ATP6V0A4: variants seen among roughly 807,000 people sequenced by gnomAD.
The protein encoded by ATP6V0A4 is V-type proton ATPase 116 kDa subunit a 4.
Under a neutral mutation model 107.3 loss-of-function variants are expected in ATP6V0A4, and 86 were observed. That is an observed-to-expected ratio of 0.80 (90% CI 0.67 to 0.96). ATP6V0A4 has a LOEUF of 0.96. Ranked by LOEUF, ATP6V0A4 falls within the 40% of genes least tolerant of loss-of-function variation. The pLI is 0.00. For missense variants in ATP6V0A4, 908 were observed against 1,045.6 expected (o/e 0.87, Z 1.81); for synonymous variants, 353 against 381.4 (o/e 0.93, Z 0.87).
intron 2 of ATP6V0A4, among the ~76,000 whole-genome samples, chr7:138,781,613 AGC>A (rs1193977141): frequency 1.3e-5 from 2 of 152,100 alleles, no homozygotes; most frequent in African/African-American, 4.8e-5. Flanking sequence ...TACAGGTGTG[AGC>A]CACCGCGCCC....
At chr7:138,734,069 G>T in intron 16 of ATP6V0A4, 67 bp downstream of exon 16, 1 of 1,514,206 alleles carries the variant, frequency 6.6e-7, no homozygotes, top group Non-Finnish European at 9.1e-7. Context: ...CCAAACCAGT[G>T]GCTCTGTCAC....
intron 2 of ATP6V0A4, among the ~76,000 whole-genome samples, chr7:138,783,077 A>G (rs933242153): frequency 2.0e-5 from 3 of 152,194 alleles, no homozygotes; most frequent in African/African-American, 7.2e-5. Context: ...TCCATTCCAA[A>G]AAAAAGATGG....
chr7:138,739,255 A>C (rs1484835176), intron 15 of ATP6V0A4, among the ~76,000 whole-genome samples: 2 of 152,214 alleles, frequency 1.3e-5, no homozygotes, highest in Non-Finnish European at 2.9e-5. Flanking sequence ...TCCCCAGGCA[A>C]CCAAGTGCCT....
chr7:138,753,679 A>C (rs768902104), intron 10 of ATP6V0A4, among the ~76,000 whole-genome samples: 30 of 152,190 alleles, frequency 2.0e-4, no homozygotes, highest in Non-Finnish European at 3.5e-4. Context: ...CCTCTGTAAG[A>C]GACACACTGT....
At position 138,721,877 on chromosome 7, in the gene ATP6V0A4, G is replaced by A; in HGVS notation, c.2139+20C>T. The A allele has an allele frequency of 1.9e-6, 3 of 1,613,832 alleles. No homozygotes were observed. The highest frequency in any genetic ancestry group is 1.1e-5 in the South Asian group (1 of 91,068). On this transcript the variant is annotated intron_variant, in intron 19 of 21. Coordinates refer to ENST00000310018, the MANE Select transcript of ATP6V0A4 (RefSeq NM_020632.3). ...TGTACAAACTGGGGAGTCTTCCTCA[G>A]GGGCTCTCGTCCCAGATACCTCTTC... is the stretch of plus-strand genomic sequence containing the variant.
chr7:138,738,989 G>A (rs3807148), intron 15 of ATP6V0A4, among the ~76,000 whole-genome samples: 2 of 151,996 alleles, frequency 1.3e-5, no homozygotes, highest in African/African-American at 2.4e-5. Context: ...CCTCAAAACC[G>A]CTTTATATCT....
At position 138,721,753 on chromosome 7, in the gene ATP6V0A4, G is replaced by A. The variant is rs894428680; in HGVS notation, c.2139+144C>T. 29 of 886,844 alleles carry A rather than the reference G, an allele frequency of 3.3e-5. No homozygotes were observed. In the African/African-American group the frequency reaches 4.3e-4, roughly 13 times the overall value. 54.9% of individuals were successfully genotyped at this position (886,844 alleles called of 1,614,324 possible). ...CTAGCTAGTAGGTCCCCTTCCCTGA[G>A]ACCTTCACAGCTTCCCAGGACTCAG... On this transcript the variant is annotated intron_variant, in intron 19 of 21. Transcript: ENST00000310018.
At chr7:138,774,388 G>A (rs1807543683) in intron 2 of ATP6V0A4, among the ~76,000 whole-genome samples, 1 of 151,930 alleles carries the variant, frequency 6.6e-6, no homozygotes, top group Admixed American at 6.6e-5. Flanking sequence ...AGACTAGCCT[G>A]GCCAACATGG....
chr7:138,747,355 T>C, intron 13 of ATP6V0A4, 70 bp downstream of exon 13: 2 of 1,545,446 alleles, frequency 1.3e-6, no homozygotes, highest in East Asian at 2.2e-5. Context: ...GTTATTTCTA[T>C]GGTGAAAACC....
intron 2 of ATP6V0A4, among the ~76,000 whole-genome samples, chr7:138,778,312 G>A (rs1171657503): frequency 1.3e-5 from 2 of 151,906 alleles, no homozygotes; most frequent in Non-Finnish European, 2.9e-5. Context: ...AGTGAGCCAA[G>A]ATCGCGCCAC....
chr7:138,734,478 A>C (rs1182987498), intron 15 of ATP6V0A4, among the ~76,000 whole-genome samples: 1 of 152,168 alleles, frequency 6.6e-6, no homozygotes, highest in Admixed American at 6.6e-5. Flanking sequence ...CATTAGTGCT[A>C]TTATCAAATT....
At chr7:138,754,096 A>G (rs913077683) in intron 10 of ATP6V0A4, among the ~76,000 whole-genome samples, 4 of 152,202 alleles carry the variant, frequency 2.6e-5, no homozygotes, top group Admixed American at 6.5e-5. Context: ...AAGGACTTCA[A>G]TGGCTTTGGG....
At chr7:138,741,970 T>G (rs899836716) in intron 14 of ATP6V0A4, among the ~76,000 whole-genome samples, 60 of 152,142 alleles carry the variant, frequency 3.9e-4, no homozygotes, top group African/African-American at 1.4e-3. Flanking sequence ...GAGTCTTGAA[T>G]TGGGGAAGAA....
At chr7:138,729,191 T>C (rs962721330) in intron 17 of ATP6V0A4, among the ~76,000 whole-genome samples, 1 of 152,170 alleles carries the variant, frequency 6.6e-6, no homozygotes, top group African/African-American at 2.4e-5. Context: ...TGTCTTGAAC[T>C]CTGTCCCATG....
At chr7:138,740,858 A>G (rs1321004228) in intron 14 of ATP6V0A4, among the ~76,000 whole-genome samples, 2 of 151,288 alleles carry the variant, frequency 1.3e-5, no homozygotes, top group East Asian at 4.0e-4. Flanking sequence ...ATGATGAGGA[A>G]CAGGCCTGGT....
chr7:138,759,947 G>A (rs1806717143), intron 7 of ATP6V0A4, 69 bp from the exon 8 acceptor site: 4 of 1,610,158 alleles, frequency 2.5e-6, no homozygotes, highest in Non-Finnish European at 3.4e-6. Flanking sequence ...GGCCCTGTAG[G>A]ACGTGAAGAC....
At chr7:138,731,901 AAAATAAATAAAT>A (rs59314409) in intron 17 of ATP6V0A4, among the ~76,000 whole-genome samples, 16,791 of 146,630 alleles carry the variant, frequency 0.11, 1,606 homozygotes, top group African/African-American at 0.25. Flanking sequence ...TCCAAAAATA[AAAATAAATAAAT>A]AAATAAATAA....
At chr7:138,728,115 T>G (rs1804808847) in intron 18 of ATP6V0A4, among the ~76,000 whole-genome samples, 1 of 151,802 alleles carries the variant, frequency 6.6e-6, no homozygotes, top group Admixed American at 6.6e-5. Flanking sequence ...TAATAAAATA[T>G]TATTTATAAC....
intron 10 of ATP6V0A4, among the ~76,000 whole-genome samples, chr7:138,753,314 C>T (rs1028797602): frequency 1.3e-5 from 2 of 152,152 alleles, no homozygotes; most frequent in Non-Finnish European, 2.9e-5. Context: ...CCAAGGAATG[C>T]GGAGGACGGC....
Sources: allele counts gnomAD v4.1 joint callset (sites outside exome capture counted in the v4.1 genomes callset), GRCh38; gene constraint gnomAD v4.1.1; transcripts MANE v1.5; gene names NCBI Gene and HGNC (gene_info 2026-07-23, HGNC 2026-07-21).